HLCS: variants seen among roughly 807,000 people sequenced by gnomAD.
HLCS encodes biotin--protein ligase.
In HLCS, 53 loss-of-function variants were observed where a neutral mutation model predicts 75.0. That is an observed-to-expected ratio of 0.71 (90% CI 0.57 to 0.89). The LOEUF (loss-of-function observed/expected upper bound fraction) is 0.89, where lower values mean the gene tolerates loss of function less well. Among genes scored for constraint, HLCS ranks in the 40% least tolerant of loss-of-function variants. The pLI is 0.00. For synonymous variants in HLCS, 431 were observed against 428.6 expected (o/e 1.01, Z -0.07); for missense variants, 966 against 1,074.0 (o/e 0.90, Z 1.41).
chr21:36,949,757 T>C (rs1225350644), intron 2 of HLCS, among the ~76,000 whole-genome samples: 5 of 152,162 alleles, frequency 3.3e-5, no homozygotes, highest in Non-Finnish European at 7.4e-5. Context: ...AAGAGAGATG[T>C]AGAGAGCAGA....
chr21:36,798,065 G>A (rs2061082487), intron 6 of HLCS, among the ~76,000 whole-genome samples: 1 of 152,202 alleles, frequency 6.6e-6, no homozygotes, highest in South Asian at 2.1e-4. Context: ...TGAAGGAAGT[G>A]AGAGACTCGG....
intron 9 of HLCS, among the ~76,000 whole-genome samples, chr21:36,757,323 C>T (rs368939459): frequency 1.1e-4 from 17 of 152,276 alleles, no homozygotes; most frequent in East Asian, 7.7e-4. Flanking sequence ...GTTGGCAAGA[C>T]GCCGACTCAT....
intron 2 of HLCS, among the ~76,000 whole-genome samples, chr21:36,960,531 GC>G (rs1263041191): frequency 6.6e-6 from 1 of 152,144 alleles, no homozygotes; most frequent in African/African-American, 2.4e-5. Context: ...CCGCTCCAGG[GC>G]CCCCATCAGA....
At chr21:36,908,679 G>A (rs1377288389) in intron 5 of HLCS, among the ~76,000 whole-genome samples, 1 of 152,058 alleles carries the variant, frequency 6.6e-6, no homozygotes, top group Admixed American at 6.6e-5. Flanking sequence ...CCATACAATG[G>A]AATACTACTC....
chr21:36,810,858 A>G (rs747771005), intron 6 of HLCS, among the ~76,000 whole-genome samples: 1 of 152,190 alleles, frequency 6.6e-6, no homozygotes, highest in Non-Finnish European at 1.5e-5. Flanking sequence ...TGAGGAAGTG[A>G]TCAAAGATCC....
chr21:36,848,016 A>C (rs2146124169), intron 6 of HLCS, among the ~76,000 whole-genome samples: 1 of 152,344 alleles, frequency 6.6e-6, no homozygotes, highest in South Asian at 2.1e-4. Flanking sequence ...ATATACAATT[A>C]ACCTCCCATT....
At chr21:36,904,252 A>G (rs1327472187) in intron 5 of HLCS, among the ~76,000 whole-genome samples, 2 of 152,180 alleles carry the variant, frequency 1.3e-5, no homozygotes, top group Non-Finnish European at 2.9e-5. Context: ...AAATTTAATC[A>G]TCTATTCTTA....
At chr21:36,929,712 T>A (rs2066552063) in intron 5 of HLCS, among the ~76,000 whole-genome samples, 1 of 152,208 alleles carries the variant, frequency 6.6e-6, no homozygotes. Flanking sequence ...AACCTACACC[T>A]GGAGAATCTG....
At chr21:36,841,489 C>A (rs1050391290) in intron 6 of HLCS, among the ~76,000 whole-genome samples, 5 of 152,216 alleles carry the variant, frequency 3.3e-5, no homozygotes, top group African/African-American at 1.2e-4. Context: ...GATCTAGAAG[C>A]CACATAACGC....
At chr21:36,760,468 G>T (rs1389481024) in intron 8 of HLCS, among the ~76,000 whole-genome samples, 1 of 152,078 alleles carries the variant, frequency 6.6e-6, no homozygotes, top group African/African-American at 2.4e-5. Context: ...AAATTAGCTG[G>T]GTGTGGTGGT....
chr21:36,767,929 G>A (rs928831557), intron 6 of HLCS, among the ~76,000 whole-genome samples: 1 of 152,136 alleles, frequency 6.6e-6, no homozygotes, highest in Non-Finnish European at 1.5e-5. Flanking sequence ...ACTTTCCTTT[G>A]GGGGATAGGT....
At chr21:36,916,284 T>C (rs192638600) in intron 5 of HLCS, among the ~76,000 whole-genome samples, 1 of 152,300 alleles carries the variant, frequency 6.6e-6, no homozygotes, top group East Asian at 1.9e-4. Context: ...TAGAATCCCT[T>C]TGTTGAGTAT....
chr21:36,980,127 G>A (rs1024401624), intron 1 of HLCS, among the ~76,000 whole-genome samples: 16 of 149,218 alleles, frequency 1.1e-4, no homozygotes, highest in African/African-American at 4.0e-4. Flanking sequence ...GTTCAAGGCT[G>A]CAGTGAGCTG....
chr21:36,841,403 T>G (rs1441090374), intron 6 of HLCS, among the ~76,000 whole-genome samples: 1 of 152,248 alleles, frequency 6.6e-6, no homozygotes, highest in Non-Finnish European at 1.5e-5. Context: ...CATTATTTAT[T>G]ATTACTGCTC....
chr21:36,810,291 C>A (rs377765664), intron 6 of HLCS, among the ~76,000 whole-genome samples: 7 of 152,314 alleles, frequency 4.6e-5, no homozygotes, highest in African/African-American at 1.7e-4. Context: ...ATTAGCTGAA[C>A]CTGAACTGCA....
chr21:36,848,325 A>G (rs1391893105), intron 6 of HLCS, among the ~76,000 whole-genome samples: 1 of 148,560 alleles, frequency 6.7e-6, no homozygotes, highest in African/African-American at 2.5e-5. Flanking sequence ...GCTGAAGTGC[A>G]GTGGCATAAT....
intron 6 of HLCS, among the ~76,000 whole-genome samples, chr21:36,869,759 T>C (rs1372752979): frequency 6.6e-6 from 1 of 152,232 alleles, no homozygotes; most frequent in East Asian, 1.9e-4. Flanking sequence ...ATCTTAAGTG[T>C]ATTGATGTCC....
At chr21:36,817,937 C>T (rs1336854696) in intron 6 of HLCS, among the ~76,000 whole-genome samples, 2 of 152,322 alleles carry the variant, frequency 1.3e-5, no homozygotes, top group South Asian at 2.1e-4. Flanking sequence ...GGCAGCCAGG[C>T]TTAGGTCTGG....
chr21:36,798,650 A>C (rs1225608700), intron 6 of HLCS, among the ~76,000 whole-genome samples: 1 of 152,208 alleles, frequency 6.6e-6, no homozygotes, highest in African/African-American at 2.4e-5. Context: ...CATTCCCACC[A>C]GTAACACATG....
Sources: gnomAD v4.1 joint callset for allele counts (sites outside exome capture counted in the v4.1 genomes callset) on GRCh38, gnomAD v4.1.1 for gene constraint, MANE v1.5 for transcripts, NCBI Gene and HGNC (gene_info 2026-07-23, HGNC 2026-07-21) for gene names.